UTS2B: variants seen among roughly 807,000 people sequenced by gnomAD.
UTS2B encodes the protein urotensin-2B.
Under a neutral mutation model 19.2 loss-of-function variants are expected in UTS2B, and 21 were observed. The ratio of observed to expected loss-of-function variants is 1.09; its 90% confidence interval spans 0.78 to 1.58. The LOEUF is 1.58. Among genes scored for constraint, UTS2B ranks in the 40% most tolerant of loss-of-function variants. The probability of loss-of-function intolerance (pLI) is 0.00; values close to 1 mark genes in which losing one functional copy is unlikely to be tolerated. For missense variants in UTS2B, 138 were observed against 130.3 expected (o/e 1.06, Z -0.29); for synonymous variants, 57 against 50.2 (o/e 1.14, Z -0.58).
intron 4 of UTS2B, among the ~76,000 whole-genome samples, chr3:191,301,599 G>A (rs1256918750): frequency 6.8e-6 from 1 of 147,048 alleles, no homozygotes; most frequent in Non-Finnish European, 1.5e-5. Context: ...CCATTCTCCT[G>A]CCTCAACCTC....
At chr3:191,314,138 G>C (rs980941628) in intron 3 of UTS2B, among the ~76,000 whole-genome samples, 1 of 152,102 alleles carries the variant, frequency 6.6e-6, no homozygotes, top group African/African-American at 2.4e-5. Context: ...TTCTGCACGA[G>C]TTTCAAGAAC....
chr3:191,311,894 C>T (rs935307290), intron 3 of UTS2B, among the ~76,000 whole-genome samples: 1 of 152,104 alleles, frequency 6.6e-6, no homozygotes, highest in Non-Finnish European at 1.5e-5. Flanking sequence ...AATCCCAGCA[C>T]TTTGGGAGGC....
At chr3:191,301,438 G>C (rs1028520715) in intron 4 of UTS2B, among the ~76,000 whole-genome samples, 1 of 151,068 alleles carries the variant, frequency 6.6e-6, no homozygotes, top group Non-Finnish European at 1.5e-5. Context: ...GATGAAGTTA[G>C]ATACTGAACA....
intron 4 of UTS2B, among the ~76,000 whole-genome samples, chr3:191,291,424 T>C (rs1402042763): frequency 1.3e-5 from 2 of 151,938 alleles, no homozygotes; most frequent in East Asian, 1.9e-4. Context: ...AAGAGTTCTA[T>C]AGTGAAACTC....
chr3:191,345,875 A>C, the UTS2B span, among the ~76,000 whole-genome samples: 4 of 152,206 alleles, frequency 2.6e-5, no homozygotes, highest in Non-Finnish European at 5.9e-5. Flanking sequence ...GCACACATTT[A>C]AAACTTATGC....
intron 6 of UTS2B, 83 bp from the exon 7 acceptor site, chr3:191,276,927 C>T (rs1015758456): frequency 5.4e-5 from 68 of 1,250,900 alleles, no homozygotes; most frequent in South Asian, 1.7e-4. Flanking sequence ...TAAGATCTTA[C>T]GTAGAAAGCA....
rs1203356534 is a variant in UTS2B, at chr3:191,267,359, A to T, written c.*1057T>A. 6.6e-6 allele frequency: 1 copy of T among 152,264 alleles called. No individual in the cohort carries two copies. Among genetic ancestry groups the T allele is most frequent in the Non-Finnish European group, 1.5e-5 (1 of 68,050 alleles). The allele number at this position is 152,264 out of a possible 1,614,324, so 9.4% of individuals were successfully genotyped here. ...AGTGATTATTCACAACATAAACCTT[A>T]AGCTTATCATAATTGACTTAGTAAC... On this transcript the variant is annotated 3_prime_UTR_variant, in exon 9 of 9. Coordinates refer to ENST00000340524, the MANE Select transcript of UTS2B (RefSeq NM_198152.5).
At chr3:191,283,705 C>T (rs925162884) in intron 4 of UTS2B, among the ~76,000 whole-genome samples, 1 of 152,058 alleles carries the variant, frequency 6.6e-6, no homozygotes, top group Admixed American at 6.6e-5. Context: ...AAAAATATAA[C>T]CCCCTTAAAC....
chr3:191,290,496 T>G lies in UTS2B; in HGVS notation c.-124-8183A>C, dbSNP rs143659112. ...CTTTTACAGTAAAAGAAGACAGTTT[T>G]GGAACCAAAAGTGAAACCCAGATCT... On this transcript the variant is annotated intron_variant, in intron 4 of 8. Transcript: ENST00000340524. Among the ~76,000 whole-genome samples the G allele has an allele frequency of 3.0e-3, 453 of 152,260 alleles. 6 individuals are homozygous for G. Among genetic ancestry groups the G allele is most frequent in the African/African-American group, 9.4e-3 (392 of 41,534 alleles).
the UTS2B span, among the ~76,000 whole-genome samples, chr3:191,338,999 T>G: frequency 2.0e-5 from 3 of 152,226 alleles, no homozygotes; most frequent in Non-Finnish European, 4.4e-5. Flanking sequence ...CTATTTTCTC[T>G]TTTAAATTTA....
the UTS2B span, among the ~76,000 whole-genome samples, chr3:191,337,464 C>T: frequency 2.0e-5 from 3 of 151,874 alleles, no homozygotes; most frequent in Non-Finnish European, 4.4e-5. Flanking sequence ...CCTGCCTCAG[C>T]CTCCCGAGTA....
chr3:191,307,037 A>G (rs1369901638), intron 3 of UTS2B, among the ~76,000 whole-genome samples: 1 of 152,242 alleles, frequency 6.6e-6, no homozygotes, highest in Admixed American at 6.5e-5. Flanking sequence ...TGGGTTACTT[A>G]CAGGAATGAG....
intron 3 of UTS2B, among the ~76,000 whole-genome samples, chr3:191,305,934 C>CT (rs112099779): frequency 3.9e-5 from 6 of 151,932 alleles, no homozygotes; most frequent in African/African-American, 9.7e-5. Context: ...TTCCCCGTTG[C>CT]TTTTTTTTGG....
At chr3:191,299,575 G>A (rs1364447674) in intron 4 of UTS2B, among the ~76,000 whole-genome samples, 1 of 152,272 alleles carries the variant, frequency 6.6e-6, no homozygotes, top group Non-Finnish European at 1.5e-5. Flanking sequence ...AGATTTTAGA[G>A]ATGTACGGCA....
upstream of UTS2B, among the ~76,000 whole-genome samples, chr3:191,331,640 C>G (rs1487446898): frequency 6.6e-6 from 1 of 152,120 alleles, no homozygotes; most frequent in Non-Finnish European, 1.5e-5. Context: ...TCTGACTTTT[C>G]TAGTTCCAAG....
intron 4 of UTS2B, among the ~76,000 whole-genome samples, chr3:191,292,019 A>G (rs760129193): frequency 6.6e-6 from 1 of 152,114 alleles, no homozygotes; most frequent in Non-Finnish European, 1.5e-5. Context: ...TTGAAATTGG[A>G]AAGTGTGAGA....
chr3:191,303,636 T>C (rs951672230), intron 4 of UTS2B, among the ~76,000 whole-genome samples: 97 of 152,322 alleles, frequency 6.4e-4, no homozygotes, highest in African/African-American at 2.2e-3. Flanking sequence ...TTGTGTTCCT[T>C]ATTGAAAAGA....
intron 8 of UTS2B, chr3:191,273,330 C>T (rs1361974563): frequency 2.6e-6 from 1 of 379,838 alleles, no homozygotes; most frequent in Non-Finnish European, 5.3e-6. Context: ...AAAGGATAGA[C>T]TATGATAGAG....
chr3:191,317,567 T>TTTGTTGTTGTTGTTGTTGTTGTTG (rs61650426), intron 2 of UTS2B, among the ~76,000 whole-genome samples: 1 of 151,318 alleles, frequency 6.6e-6, no homozygotes, highest in African/African-American at 2.4e-5. Flanking sequence ...TAGGATAGTC[T>TTTGTTGTTGTTGTTGTTGTTGTTG]TTGTTGTTGT....
Sources: allele counts gnomAD v4.1 joint callset (sites outside exome capture counted in the v4.1 genomes callset), GRCh38; gene constraint gnomAD v4.1.1; transcripts MANE v1.5; gene names NCBI Gene and HGNC (gene_info 2026-07-23, HGNC 2026-07-21).